The following EHMT1 variants were observed in gnomAD, a reference collection of about 807,000 sequenced individuals.
The protein encoded by EHMT1 is euchromatic histone lysine methyltransferase 1.
Under a neutral mutation model 147.2 loss-of-function variants are expected in EHMT1, and 15 were observed. The observed-to-expected ratio is 0.10, with a 90% CI of 0.07 to 0.16. EHMT1 has a LOEUF of 0.16. EHMT1 is among the 10% of genes least tolerant of loss of function. The pLI is 1.00. For missense variants in EHMT1, 1,587 were observed against 1,772.4 expected, an observed-to-expected ratio of 0.90 and a Z score of 1.88; for synonymous variants, 795 against 709.6, an observed-to-expected ratio of 1.12 and a Z score of -1.91.
At chr9:137,814,630 T>A in intron 22 of EHMT1, 122 bp downstream of exon 22, 1 of 1,153,106 alleles carries the variant, frequency 8.7e-7, no homozygotes, top group Non-Finnish European at 1.3e-6. Context: ...GAGTTGGAGG[T>A]GAGCTGGGTG....
intron 10 of EHMT1, among the ~76,000 whole-genome samples, chr9:137,774,105 C>G (rs76621805): frequency 6.6e-6 from 1 of 152,182 alleles, no homozygotes; most frequent in South Asian, 2.1e-4. Context: ...TCTGGCTGCC[C>G]CAGAATCCTT....
chr9:137,715,710 C>T (rs1005643484), intron 2 of EHMT1: 51 of 985,264 alleles, frequency 5.2e-5, no homozygotes, highest in Non-Finnish European at 5.9e-5. Flanking sequence ...GGGTTGTCAT[C>T]GGAGAGTGAG....
chr9:137,743,641 C>T, intron 5 of EHMT1, 113 bp downstream of exon 5: 1 of 1,481,796 alleles, frequency 6.7e-7, no homozygotes, highest in Non-Finnish European at 9.3e-7. Context: ...GTGCCAGTGC[C>T]ATGAAGCTCC....
At chr9:137,808,078 G>T (rs1456688318) in intron 18 of EHMT1, among the ~76,000 whole-genome samples, 1 of 152,138 alleles carries the variant, frequency 6.6e-6, no homozygotes, top group Non-Finnish European at 1.5e-5. Context: ...TTTCAGGTTT[G>T]TTAGGTGGGT....
chr9:137,816,027 G>T lies in EHMT1; in HGVS notation c.3339G>T (p.Arg1113Ser), dbSNP rs1295212768. 2 of 1,613,266 alleles carry T rather than the reference G, an allele frequency of 1.2e-6. No individual in the cohort carries two copies. Among genetic ancestry groups the T allele is most frequent in the Non-Finnish European group, 1.7e-6 (2 of 1,179,610 alleles). The change falls in exon 23 of 27, where the codon AGG becomes AGT. Residue 1113 changes from arginine (R) to serine (S), a missense_variant. By Grantham distance (110) the Arg-to-Ser change is moderately radical. This residue lies in a region of EHMT1 where 156 missense variants were observed against 252.5 expected (regional missense o/e 0.62). Transcript: ENST00000460843. ...GCAACCACGCGTGCTCCTGCTGGAG[G>T]AACTGCCGAAATCGCGTCGTACAGA... is the stretch of plus-strand genomic sequence containing the variant. ...FECNHACSCW[R>S]NCRNRVVQNG...
chr9:137,814,050 G>C (rs1954711560), intron 21 of EHMT1, among the ~76,000 whole-genome samples: 1 of 74,262 alleles, frequency 1.3e-5, no homozygotes, highest in Non-Finnish European at 2.6e-5. Context: ...GCCGGGCACT[G>C]CCCAGGCCCC....
At chr9:137,795,829 T>C (rs1210763344) in intron 16 of EHMT1, among the ~76,000 whole-genome samples, 1 of 151,920 alleles carries the variant, frequency 6.6e-6, no homozygotes, top group Non-Finnish European at 1.5e-5. Context: ...TAAAGACGAA[T>C]ATTGTAATCC....
intron 4 of EHMT1, chr9:137,738,730 G>C (rs1947780403): frequency 6.6e-6 from 1 of 152,176 alleles, no homozygotes; most frequent in Non-Finnish European, 1.5e-5. Context: ...AGCGAAGCTG[G>C]GGCCCGCGCT....
intron 1 of EHMT1, chr9:137,637,708 G>A (rs768163952): frequency 1.3e-5 from 2 of 152,228 alleles, no homozygotes; most frequent in Non-Finnish European, 2.9e-5. Flanking sequence ...GTTGGGAAGT[G>A]TATTTCCCTC....
In EHMT1 at chr9:137,619,046, C is replaced by G. The variant is rs1588999893; in HGVS notation, c.18C>G (p.Ala6=). Residue 6 remains alanine, a synonymous_variant, in exon 1 of 27, where the codon GCC becomes GCG. Transcript: ENST00000460843. The stretch of plus-strand genomic sequence containing the variant: ...CCCGGGCCATGGCCGCCGCCGATGC[C>G]GAGGTGAGCAGCGGGGCCGGCGGGG... MAAAD[A]EAVPARGEPQ... is the part of the protein sequence containing the mutation. 4 of 954,976 alleles carry G rather than the reference C, an allele frequency of 4.2e-6. No individual in the cohort carries two copies. Among genetic ancestry groups the G allele is most frequent in the Non-Finnish European group, 5.0e-6 (4 of 804,486 alleles). The allele number at this position is 954,976 out of a possible 1,614,324, so 59.2% of individuals were successfully genotyped here. A position where few individuals can be genotyped will look rare whatever the true frequency, so the allele number is the denominator to read the frequency against.
intron 4 of EHMT1, among the ~76,000 whole-genome samples, chr9:137,730,652 A>G (rs1005959841): frequency 7.9e-5 from 12 of 152,300 alleles, no homozygotes; most frequent in Admixed American, 3.3e-4. Context: ...ACTGTAATCC[A>G]TTCCTATCAT....
intron 10 of EHMT1, chr9:137,764,652 C>T (rs890477456): frequency 6.6e-6 from 1 of 152,206 alleles, no homozygotes; most frequent in African/African-American, 2.4e-5. Context: ...ATAACAATTT[C>T]CTGTTATTAT....
At chr9:137,806,661 C>G (rs1953974514) in intron 18 of EHMT1, among the ~76,000 whole-genome samples, 1 of 152,186 alleles carries the variant, frequency 6.6e-6, no homozygotes, top group Non-Finnish European at 1.5e-5. Flanking sequence ...TCTCAAACTC[C>G]TGACCTCATG....
chr9:137,720,475 T>A (rs193003083), intron 3 of EHMT1, among the ~76,000 whole-genome samples: 151 of 152,158 alleles, frequency 9.9e-4, no homozygotes, highest in African/African-American at 3.5e-3. Flanking sequence ...GGCTGATTTT[T>A]ATATTTTTGT....
At chr9:137,629,398 T>G (rs1843472762) in intron 1 of EHMT1, among the ~76,000 whole-genome samples, 1 of 149,294 alleles carries the variant, frequency 6.7e-6, no homozygotes, top group Non-Finnish European at 1.5e-5. Context: ...GGCCAGTTTT[T>G]TTGTTGTTGT....
intron 2 of EHMT1, among the ~76,000 whole-genome samples, chr9:137,712,490 G>A (rs1442252919): frequency 1.2e-4 from 18 of 152,182 alleles, no homozygotes; most frequent in Admixed American, 1.2e-3. Context: ...TGGCGGGTGG[G>A]AAGTGGCATC....
At chr9:137,628,527 G>A (rs1843411838) in intron 1 of EHMT1, among the ~76,000 whole-genome samples, 1 of 152,150 alleles carries the variant, frequency 6.6e-6, no homozygotes, top group South Asian at 2.1e-4. Context: ...CGATTCTCCC[G>A]CTTTGGCCTC....
chr9:137,834,194 G>A, intron 25 of EHMT1, 155 bp from the exon 26 acceptor site: 17 of 992,644 alleles, frequency 1.7e-5, no homozygotes, highest in Middle Eastern at 3.0e-4. Flanking sequence ...CGGAGGCTCC[G>A]CACCGCCGCC....
intron 9 of EHMT1, among the ~76,000 whole-genome samples, chr9:137,758,629 G>A (rs947602394): frequency 6.6e-6 from 1 of 152,134 alleles, no homozygotes; most frequent in South Asian, 2.1e-4. Context: ...AGATTTATTC[G>A]AAGCATGATG....
Sources: allele counts gnomAD v4.1 joint callset (sites outside exome capture counted in the v4.1 genomes callset), GRCh38; gene constraint gnomAD v4.1.1; regional missense constraint gnomAD v4.1.1; transcripts MANE v1.5; gene names NCBI Gene and HGNC (gene_info 2026-07-23, HGNC 2026-07-21).